The following CENPW variants were observed in gnomAD, a reference collection of about 807,000 sequenced individuals.
CENPW encodes the protein cancer-up-regulated gene 2 protein.
Under a neutral mutation model 11.1 loss-of-function variants are expected in CENPW, and 3 were observed. That is an observed-to-expected ratio of 0.27 (90% CI 0.12 to 0.70). CENPW has a LOEUF of 0.70. Among genes scored for constraint, CENPW ranks in the 30% least tolerant of loss-of-function variants. The pLI is 0.77. For synonymous variants in CENPW, 38 were observed against 42.0 expected (o/e 0.91, Z 0.37); for missense variants, 100 against 105.6 (o/e 0.95, Z 0.23).
At chr6:126,360,680 G>GT in the CENPW span, among the ~76,000 whole-genome samples, 89 of 147,592 alleles carry the variant, frequency 6.0e-4, no homozygotes, top group East Asian at 7.9e-3. Flanking sequence ...CAAGCTCTGG[G>GT]TTTTTTTTTT....
chr6:126,379,528 A>G, the CENPW span, among the ~76,000 whole-genome samples: 1 of 152,152 alleles, frequency 6.6e-6, no homozygotes, highest in Non-Finnish European at 1.5e-5. Context: ...AATTTTTATT[A>G]TGCTGCTAAC....
the CENPW span, among the ~76,000 whole-genome samples, chr6:126,370,178 T>C: frequency 6.6e-6 from 1 of 152,240 alleles, no homozygotes; most frequent in African/African-American, 2.4e-5. Context: ...AATGGCCTTA[T>C]AGTATAGTTT....
At chr6:126,454,298 C>A in the CENPW span, among the ~76,000 whole-genome samples, 1 of 151,286 alleles carries the variant, frequency 6.6e-6, no homozygotes, top group Non-Finnish European at 1.5e-5. Context: ...GGCACATACT[C>A]TAAAATTGAC....
chr6:126,452,764 C>A, the CENPW span, among the ~76,000 whole-genome samples: 1 of 150,860 alleles, frequency 6.6e-6, no homozygotes, highest in African/African-American at 2.4e-5. Context: ...ATGACATAAA[C>A]TTAGAGACTT....
the CENPW span, among the ~76,000 whole-genome samples, chr6:126,470,865 G>A: frequency 6.6e-6 from 1 of 152,206 alleles, no homozygotes; most frequent in Non-Finnish European, 1.5e-5. Flanking sequence ...TGTTTTGGCT[G>A]ATTTCTCCCA....
the CENPW span, among the ~76,000 whole-genome samples, chr6:126,444,296 T>G: frequency 3.2e-4 from 49 of 151,204 alleles, no homozygotes; most frequent in East Asian, 2.7e-3. Flanking sequence ...TGTAGGTGTC[T>G]TCTTTGGAGA....
chr6:126,419,355 TGACA>T, the CENPW span, among the ~76,000 whole-genome samples: 5 of 152,136 alleles, frequency 3.3e-5, no homozygotes, highest in Non-Finnish European at 7.3e-5. Flanking sequence ...GATAATTCTT[TGACA>T]GACAAAATGC....
the CENPW span, among the ~76,000 whole-genome samples, chr6:126,396,823 C>T: frequency 1.3e-5 from 2 of 151,928 alleles, no homozygotes. Context: ...TTCCTTCTGG[C>T]CCAGGGTATG....
the CENPW span, among the ~76,000 whole-genome samples, chr6:126,361,663 G>A: frequency 6.6e-6 from 1 of 151,500 alleles, no homozygotes; most frequent in Non-Finnish European, 1.5e-5. Context: ...CACCAGGCCT[G>A]CTCCTGGGCA....
At chr6:126,345,491 T>C (rs1780390494) in intron 1 of CENPW, among the ~76,000 whole-genome samples, 1 of 152,094 alleles carries the variant, frequency 6.6e-6, no homozygotes, top group African/African-American at 2.4e-5. Context: ...GCAAAAATAG[T>C]ACACGGTTTC....
chr6:126,463,065 T>C, the CENPW span, among the ~76,000 whole-genome samples: 2 of 152,062 alleles, frequency 1.3e-5, no homozygotes, highest in East Asian at 3.9e-4. Context: ...GTATAAAGTC[T>C]GGAATCACGA....
At chr6:126,430,682 G>A in the CENPW span, among the ~76,000 whole-genome samples, 8 of 152,046 alleles carry the variant, frequency 5.3e-5, no homozygotes, top group African/African-American at 1.9e-4. Flanking sequence ...GCTGGGTGCG[G>A]TGGCCACGCC....
the CENPW span, among the ~76,000 whole-genome samples, chr6:126,477,777 G>T: frequency 1.3e-5 from 2 of 151,946 alleles, no homozygotes; most frequent in African/African-American, 4.8e-5. Context: ...AAATTGTCTT[G>T]CTATCTTGCA....
At chr6:126,368,736 C>G in the CENPW span, among the ~76,000 whole-genome samples, 1 of 152,004 alleles carries the variant, frequency 6.6e-6, no homozygotes, top group Admixed American at 6.5e-5. Context: ...GCTCCGCCTC[C>G]CGGGTTCACG....
the CENPW span, among the ~76,000 whole-genome samples, chr6:126,357,799 G>A: frequency 6.6e-6 from 1 of 152,072 alleles, no homozygotes; most frequent in Non-Finnish European, 1.5e-5. Context: ...AGTAGAGACG[G>A]GGTTTCACCA....
the CENPW span, among the ~76,000 whole-genome samples, chr6:126,455,972 C>G: frequency 1.3e-5 from 2 of 150,506 alleles, no homozygotes; most frequent in Admixed American, 1.3e-4. Flanking sequence ...TCATTTACAA[C>G]AGCCACAAAA....
the CENPW span, among the ~76,000 whole-genome samples, chr6:126,469,033 AT>A: frequency 6.6e-6 from 1 of 152,156 alleles, no homozygotes; most frequent in Non-Finnish European, 1.5e-5. Context: ...ACCTCAAGTG[AT>A]CCACCCACCT....
At chr6:126,415,232 C>A in the CENPW span, among the ~76,000 whole-genome samples, 3 of 151,814 alleles carry the variant, frequency 2.0e-5, no homozygotes, top group Non-Finnish European at 4.4e-5. Flanking sequence ...ATTATTATCT[C>A]CTTAGATCTT....
the CENPW span, among the ~76,000 whole-genome samples, chr6:126,408,473 C>G: frequency 6.6e-6 from 1 of 152,092 alleles, no homozygotes; most frequent in East Asian, 1.9e-4. Context: ...TCCCATGATT[C>G]AATTACCTCC....
Sources: allele counts gnomAD v4.1 joint callset (sites outside exome capture counted in the v4.1 genomes callset), GRCh38; gene constraint gnomAD v4.1.1; transcripts MANE v1.5; gene names NCBI Gene and HGNC (gene_info 2026-07-23, HGNC 2026-07-21).